Variants in PIWIL1 observed in about 807,000 individuals in gnomAD.
PIWIL1 encodes the protein piwi-like protein 1.
In PIWIL1, 73 loss-of-function variants were observed where a neutral mutation model predicts 114.4. The observed-to-expected ratio is 0.64, with a 90% confidence interval of 0.53 to 0.78. The LOEUF (loss-of-function observed/expected upper bound fraction) is 0.78, where lower values mean the gene tolerates loss of function less well. Ranked by LOEUF, PIWIL1 falls within the 30% of genes least tolerant of loss-of-function variation. The pLI is 0.00. For synonymous variants in PIWIL1, 375 were observed against 369.0 expected, an observed-to-expected ratio of 1.02 and a Z score of -0.19; for missense variants, 723 against 1,063.1, an observed-to-expected ratio of 0.68 and a Z score of 4.45.
intron 3 of PIWIL1, among the ~76,000 whole-genome samples, chr12:130,343,931 G>A (rs2073000117): frequency 6.6e-6 from 1 of 152,110 alleles, no homozygotes; most frequent in African/African-American, 2.4e-5. Flanking sequence ...CCGGCCCATT[G>A]AAGGATTCTT....
chr12:130,351,360 C>T (rs2136147581), intron 9 of PIWIL1: 1 of 152,258 alleles, frequency 6.6e-6, no homozygotes, highest in Non-Finnish European at 1.5e-5. Flanking sequence ...TATGTTCACT[C>T]CCTGGGTGAT....
rs200693645 is a variant in PIWIL1, at chr12:130,371,470, C to T, written c.2470-12C>T. 1,681 of 1,608,068 alleles carry T rather than the reference C, an allele frequency of 1.0e-3. 4 individuals carry two copies. The highest frequency in any genetic ancestry group is 1.0e-3 in the Non-Finnish European group (1,213 of 1,177,624). ...TCTAGAGTAATAGAACCTTTTTTTCCTTCCACTAAAGGGTGTCATTCGTGT... is the reference window on the plus strand; with the variant it reads ...TCTAGAGTAATAGAACCTTTTTTTCTTTCCACTAAAGGGTGTCATTCGTGT... On this transcript the variant is annotated splice_polypyrimidine_tract_variant and intron_variant, in intron 20 of 20. Coordinates refer to ENST00000245255, the MANE Select transcript of PIWIL1 (RefSeq NM_004764.5).
intron 1 of PIWIL1, 178 bp from the exon 2 acceptor site, chr12:130,342,401 GT>G: frequency 1.7e-6 from 1 of 605,460 alleles, no homozygotes; most frequent in Non-Finnish European, 3.0e-6. Context: ...AAGCAACTGA[GT>G]TTGTTGAATG....
chr12:130,341,801 C>T (rs2072924076), intron 1 of PIWIL1, among the ~76,000 whole-genome samples: 1 of 152,166 alleles, frequency 6.6e-6, no homozygotes, highest in Non-Finnish European at 1.5e-5. Flanking sequence ...TGTACCACCA[C>T]GATGAGGGTG....
chr12:130,356,605 A>G (rs967758617), intron 12 of PIWIL1, among the ~76,000 whole-genome samples: 5 of 152,246 alleles, frequency 3.3e-5, no homozygotes. Context: ...ATGAAGAAAG[A>G]GTAGCTATAC....
chr12:130,355,995 G>A (rs898851940), intron 12 of PIWIL1, among the ~76,000 whole-genome samples: 1 of 152,020 alleles, frequency 6.6e-6, no homozygotes, highest in Non-Finnish European at 1.5e-5. Flanking sequence ...TGTGGAGCCT[G>A]TAGCTGGGTC....
chr12:130,422,861 C>T, the PIWIL1 span, among the ~76,000 whole-genome samples: 4 of 152,134 alleles, frequency 2.6e-5, no homozygotes, highest in Non-Finnish European at 4.4e-5. This position sits in a 1 kb window ranked among gnomAD's most constrained non-coding sequence, Gnocchi z 5.2. Flanking sequence ...ACCAAAGAGA[C>T]AATGGCTTGA....
chr12:130,367,987 G>A (rs1269617273), intron 19 of PIWIL1, among the ~76,000 whole-genome samples: 4 of 152,248 alleles, frequency 2.6e-5, no homozygotes, highest in South Asian at 2.1e-4. Context: ...TAGTAGAGAC[G>A]AGGTTTCACC....
the PIWIL1 span, among the ~76,000 whole-genome samples, chr12:130,417,842 G>A: frequency 1.3e-5 from 2 of 151,294 alleles, no homozygotes; most frequent in South Asian, 2.1e-4. Flanking sequence ...GTACATATGT[G>A]TATATATGTA....
the PIWIL1 span, among the ~76,000 whole-genome samples, chr12:130,423,761 A>C: frequency 2.0e-5 from 3 of 151,756 alleles, no homozygotes; most frequent in Admixed American, 6.6e-5. Flanking sequence ...AGGAAAAAAA[A>C]CCCTCGACAA....
chr12:130,342,460 CATA>C (rs1386895178), intron 1 of PIWIL1, 117 bp from the exon 2 acceptor site: 3 of 651,806 alleles, frequency 4.6e-6, no homozygotes, highest in East Asian at 2.7e-5. Flanking sequence ...TAGAAGGATA[CATA>C]ATAATTGCCT....
At chr12:130,402,761 CAGTG>C in the PIWIL1 span, among the ~76,000 whole-genome samples, 4 of 152,216 alleles carry the variant, frequency 2.6e-5, no homozygotes, top group African/African-American at 9.6e-5. Context: ...GTGCCCCAGT[CAGTG>C]AGACATCCAC....
the PIWIL1 span, chr12:130,406,130 T>C: frequency 4.5e-5 from 57 of 1,255,004 alleles, no homozygotes; most frequent in Non-Finnish European, 6.5e-5. Context: ...TAAATGAAAA[T>C]ACAAAAATCA....
the PIWIL1 span, among the ~76,000 whole-genome samples, chr12:130,393,894 T>C: frequency 0.94 from 142,510 of 152,298 alleles, 66,800 homozygotes; most frequent in Non-Finnish European, 0.96. Context: ...AGCGGTTTCA[T>C]GTTTGGCTTT....
chr12:130,424,518 T>C, the PIWIL1 span: 104 of 1,231,856 alleles, frequency 8.4e-5, no homozygotes, highest in Admixed American at 2.1e-4. This position sits in a 1 kb window ranked among gnomAD's most constrained non-coding sequence, Gnocchi z 9.8. Flanking sequence ...CAGGCCGCTG[T>C]CCGGGCTCCG....
At chr12:130,369,108 T>C (rs2073749268) in intron 19 of PIWIL1, among the ~76,000 whole-genome samples, 2 of 152,194 alleles carry the variant, frequency 1.3e-5, no homozygotes, top group African/African-American at 2.4e-5. Context: ...TCATGTGTTC[T>C]CATTGTTCAA....
In PIWIL1 at chr12:130,354,871, A is replaced by T; in HGVS notation, c.1172-17A>T. On this transcript the variant is annotated splice_polypyrimidine_tract_variant and intron_variant, in intron 10 of 20. Transcript: ENST00000245255. ...ATTATTTCTTTAACCATATGCCTTT[A>T]AATGTCTTATTTAAAGGTCTAACTG... is the stretch of plus-strand genomic sequence containing the variant. 1.3e-6 allele frequency: 2 copies of T among 1,556,348 alleles called. No homozygotes were observed. Among genetic ancestry groups the T allele is most frequent in the Non-Finnish European group, 8.9e-7 (1 of 1,128,682 alleles).
chr12:130,409,417 A>C, the PIWIL1 span, among the ~76,000 whole-genome samples: 1 of 130,628 alleles, frequency 7.7e-6, no homozygotes, highest in African/African-American at 2.9e-5. Flanking sequence ...ATCCCGGCTC[A>C]CTGCAAGCTC....
At chr12:130,343,317 A>G (rs1033004965) in intron 3 of PIWIL1, among the ~76,000 whole-genome samples, 35 of 152,212 alleles carry the variant, frequency 2.3e-4, no homozygotes, top group Non-Finnish European at 3.5e-4. Context: ...GACTTAAAAA[A>G]ATGGTTACTC....
Sources: allele counts gnomAD v4.1 joint callset (sites outside exome capture counted in the v4.1 genomes callset), GRCh38; gene constraint gnomAD v4.1.1; non-coding constraint Gnocchi (gnomAD v3.1); transcripts MANE v1.5; gene names NCBI Gene and HGNC (gene_info 2026-07-23, HGNC 2026-07-21).